RBM23: variants seen among roughly 807,000 people sequenced by gnomAD.
The protein encoded by RBM23 is RNA binding motif protein 23, also known as probable RNA-binding protein 23.
A neutral mutation model predicts 56.2 loss-of-function variants in RBM23; 53 were observed. The ratio of observed to expected loss-of-function variants is 0.94; its 90% CI spans 0.76 to 1.19. The LOEUF (loss-of-function observed/expected upper bound fraction) is 1.19, where lower values mean the gene tolerates loss of function less well. RBM23 is among the 50% of genes most tolerant of loss of function. The pLI, the probability that RBM23 is intolerant of heterozygous loss-of-function variation, is 0.00. For missense variants in RBM23, 642 were observed against 590.3 expected, an observed-to-expected ratio of 1.09 and a Z score of -0.91; for synonymous variants, 197 against 198.5, an observed-to-expected ratio of 0.99 and a Z score of 0.06.
Position 22,898,255 on chromosome 14 carries a change from A to G in RBM23, c.*3475T>C, listed in dbSNP as rs1430613227. The G allele has an allele frequency of 1.3e-5, 2 of 152,262 alleles. No individual in the cohort carries two copies. The highest frequency in any genetic ancestry group is 1.5e-5 in the Non-Finnish European group (1 of 68,064). 9.4% of individuals were successfully genotyped at this position (152,262 alleles called of 1,614,324 possible). On this transcript the variant is annotated 3_prime_UTR_variant, in exon 14 of 14. Coordinates refer to ENST00000359890, the MANE Select transcript of RBM23 (RefSeq NM_001077351.2). ...TCCTGTGTCAAGAGCACAGCAGTTT[A>G]AAGAACAGGGAGGAAATGCTGCCAC... is the stretch of plus-strand genomic sequence containing the variant.
In RBM23 at chr14:22,911,417, A is replaced by G. The variant is rs184645669; in HGVS notation, c.-10-14T>C. ...ATCCTGTCAGATCTGGGGAGAGGAT[A>G]TTAATATGTAAGAATCTGTTTTATA... On this transcript the variant is annotated splice_polypyrimidine_tract_variant and intron_variant, in intron 1 of 13. Transcript: ENST00000359890. The G allele has an allele frequency of 6.4e-3, 10,271 of 1,596,674 alleles. 84 individuals are homozygous for G. Among genetic ancestry groups the G allele is most frequent in the South Asian group, 0.03 (2,748 of 90,410 alleles).
intron 1 of RBM23, among the ~76,000 whole-genome samples, chr14:22,913,203 A>G (rs900211073): frequency 1.3e-5 from 2 of 151,022 alleles, no homozygotes; most frequent in Non-Finnish European, 3.0e-5. Flanking sequence ...TCACGAGGTC[A>G]GGAGATCGAG....
chr14:22,914,497 C>T (rs1427679700), intron 1 of RBM23, among the ~76,000 whole-genome samples: 2 of 151,524 alleles, frequency 1.3e-5, no homozygotes, highest in African/African-American at 4.9e-5. Flanking sequence ...CTCAAAAATA[C>T]AAAAACAAAC....
At chr14:22,903,098 C>G in intron 10 of RBM23, 7 of 985,356 alleles carry the variant, frequency 7.1e-6, no homozygotes, top group Non-Finnish European at 8.4e-6. Flanking sequence ...TAGTTAAGTA[C>G]TAGGAATCTG....
At chr14:22,903,877 A>C (rs978464761) in intron 10 of RBM23, 10 of 1,159,566 alleles carry the variant, frequency 8.6e-6, no homozygotes, top group Non-Finnish European at 9.7e-6. Flanking sequence ...GGGAAGTATA[A>C]TTTCCTATTC....
At chr14:22,903,264 C>A in intron 10 of RBM23, 1 of 985,466 alleles carries the variant, frequency 1.0e-6, no homozygotes, top group Non-Finnish European at 1.2e-6. Context: ...CACCCAGCAA[C>A]ACACTGGTAC....
rs1230257310 is a variant in RBM23 at position 22,906,276 on chromosome 14, C to A, written c.320G>T (p.Arg107Leu). ...ACTTCGCGACTCACTACCATGTCGA[C>A]GATCCCAGCTACGGCTACGGTGACG... is the stretch of plus-strand genomic sequence containing the variant. The part of the protein sequence containing the change: ...QCRHRSRSWD[R>L]RHGSESRSRD... Residue 107 changes from arginine (R) to leucine (L), a missense_variant, in exon 5 of 14, where the codon CGT becomes CTT. Transcript: ENST00000359890. 6.2e-7 allele frequency: 1 copy of A among 1,614,258 alleles called. No homozygotes were observed. The highest frequency in any genetic ancestry group is 1.3e-5 in the African/African-American group (1 of 75,068).
chr14:22,911,903 C>G (rs1288686202), intron 1 of RBM23: 1 of 152,142 alleles, frequency 6.6e-6, no homozygotes, highest in Admixed American at 6.6e-5. Flanking sequence ...AATGTGTGAC[C>G]CTGTCTCAAA....
At chr14:22,903,616 G>C (rs2041001955) in intron 10 of RBM23, 1 of 997,804 alleles carries the variant, frequency 1.0e-6, no homozygotes, top group African/African-American at 1.7e-5. Flanking sequence ...CACTGTGGGA[G>C]TGTATGCTGC....
In RBM23 at chr14:22,904,288, G is replaced by A; in HGVS notation, c.903C>T (p.Gly301=). The A allele has an allele frequency of 1.2e-6, 2 of 1,613,268 alleles. No individual in the cohort carries two copies. Among genetic ancestry groups the A allele is most frequent in the South Asian group, 1.1e-5 (1 of 91,062 alleles). Residue 301 remains glycine, a synonymous_variant, in exon 10 of 14, where the codon GGC becomes GGT. Coordinates refer to ENST00000359890, the MANE Select transcript of RBM23 (RefSeq NM_001077351.2). The stretch of plus-strand genomic sequence containing the variant: ...TGATGAAACCATAACCTTTAGAGCG[G>A]CCTGTATCTGAGTCCTTCATCAGGA... ...NIVLMKDSDT[G]RSKGYGFITF...
At chr14:22,912,329 C>T (rs1461066968) in intron 1 of RBM23, among the ~76,000 whole-genome samples, 1 of 152,104 alleles carries the variant, frequency 6.6e-6, no homozygotes, top group Admixed American at 6.5e-5. Context: ...ATAATTAGGG[C>T]CTTATCCCTG....
chr14:22,899,152 G>GTGA lies in RBM23; in HGVS notation c.*2577_*2578insTCA, dbSNP rs2040298496. 1 of 152,196 alleles carries GTGA rather than the reference G, an allele frequency of 6.6e-6. No individual in the cohort carries two copies. Among genetic ancestry groups the GTGA allele is most frequent in the Non-Finnish European group, 1.5e-5 (1 of 68,034 alleles). The allele number at this position is 152,196 out of a possible 1,614,324, so 9.4% of individuals were successfully genotyped here. A position where few individuals can be genotyped will look rare whatever the true frequency, so the allele number is the denominator to read the frequency against. Reference sequence around the variant, plus strand: ...CCAATGCAACAGTGTTGAAGATGGGGCTTAATACGAGGTGACTGAGTCACA... The same window carrying GTGA: ...CCAATGCAACAGTGTTGAAGATGGGGTGACTTAATACGAGGTGACTGAGTCACA... On this transcript the variant is annotated 3_prime_UTR_variant, in exon 14 of 14. Coordinates refer to ENST00000359890, the MANE Select transcript of RBM23 (RefSeq NM_001077351.2).
chr14:22,902,202 C>T lies in RBM23; in HGVS notation c.1111G>A (p.Ala371Thr). 1 of 1,613,932 alleles carries T rather than the reference C, an allele frequency of 6.2e-7. No homozygotes were observed. The highest frequency in any genetic ancestry group is 8.5e-7 in the Non-Finnish European group (1 of 1,179,808). The stretch of plus-strand genomic sequence containing the variant: ...GATATTTTACCTTCTGCCAGTTTTG[C>T]CATGAGCTGAAAACGTCCACCTGCT... Reference protein sequence around the residue: ...GSAGGRFQLMAKLAEGAGIQL... With the variant: ...GSAGGRFQLMTKLAEGAGIQL... Residue 371 changes from alanine to threonine, a missense_variant, in exon 11 of 14, where the codon GCA (alanine) becomes ACA (threonine). Physicochemically the swap from Ala to Thr is moderately conservative, Grantham distance 58. Transcript: ENST00000359890.
At chr14:22,909,195 G>A (rs1473900191) in intron 3 of RBM23, among the ~76,000 whole-genome samples, 2 of 151,576 alleles carry the variant, frequency 1.3e-5, no homozygotes, top group East Asian at 1.9e-4. Context: ...CACCCACCTC[G>A]GCCTCCCAAA....
At chr14:22,915,783 T>A (rs1297544958) in intron 1 of RBM23, among the ~76,000 whole-genome samples, 1 of 152,222 alleles carries the variant, frequency 6.6e-6, no homozygotes, top group Non-Finnish European at 1.5e-5. Flanking sequence ...CATGAGCCAC[T>A]GTGCCCGGCC....
intron 2 of RBM23, among the ~76,000 whole-genome samples, chr14:22,910,151 CAAAAAAA>C (rs532892000): frequency 0.081 from 1,356 of 16,672 alleles, 72 homozygotes; most frequent in African/African-American, 0.23. Context: ...GACTCTGTCT[CAAAAAAA>C]AAAAAAAAAA....
At position 22,902,756 on chromosome 14, in the gene RBM23, C is replaced by CCTTTTTTTTTTTTT. The variant is rs1555336814; in HGVS notation, c.931-375_931-374insAAAAAAAAAAAAAG. 12 of 432,480 alleles carry CCTTTTTTTTTTTTT rather than the reference C, an allele frequency of 2.8e-5. 6 individuals carry two copies. The highest frequency in any genetic ancestry group is 1.3e-4 in the African/African-American group (4 of 31,410). 26.8% of individuals were successfully genotyped at this position (432,480 alleles called of 1,614,324 possible). On this transcript the variant is annotated intron_variant, in intron 10 of 13. Coordinates refer to ENST00000359890, the MANE Select transcript of RBM23 (RefSeq NM_001077351.2). The stretch of plus-strand genomic sequence containing the variant: ...GTTCTCTATCCTAGTAAGTTTTAGT[C>CCTTTTTTTTTTTTT]TTTTTTTTTTTTTTTTTTTTTTTTT...
In RBM23 at chr14:22,906,281, CCAGCTA is replaced by C; in HGVS notation, c.309_314del (p.Ser104_Trp105del). On this transcript the variant is annotated inframe_deletion, in exon 5 of 14. Coordinates refer to ENST00000359890, the MANE Select transcript of RBM23 (RefSeq NM_001077351.2). The stretch of plus-strand genomic sequence containing the variant: ...GCGACTCACTACCATGTCGACGATC[CCAGCTA>C]CGGCTACGGTGACGACACTGCCGAC... 1.9e-6 allele frequency: 3 copies of C among 1,614,230 alleles called. No individual in the cohort carries two copies. Among genetic ancestry groups the C allele is most frequent in the Non-Finnish European group, 2.5e-6 (3 of 1,180,046 alleles).
Position 22,916,689 on chromosome 14 carries a change from G to T in RBM23, c.-11+2310C>A, listed in dbSNP as rs7155056. Among the ~76,000 whole-genome samples, 590 of 151,744 alleles carry T rather than the reference G, an allele frequency of 3.9e-3. 5 individuals carry two copies. The highest frequency in any genetic ancestry group is 0.013 in the African/African-American group (534 of 41,400). On this transcript the variant is annotated intron_variant, in intron 1 of 13. Transcript: ENST00000359890. Reference sequence around the variant, plus strand: ...AAAAAAAAAGGACACAGTATACCAAGATACCTACTTTTAAATATATACTCA... The same window carrying T: ...AAAAAAAAAGGACACAGTATACCAATATACCTACTTTTAAATATATACTCA...
Sources: allele counts gnomAD v4.1 joint callset (sites outside exome capture counted in the v4.1 genomes callset), GRCh38; gene constraint gnomAD v4.1.1; transcripts MANE v1.5; gene names NCBI Gene and HGNC (gene_info 2026-07-23, HGNC 2026-07-21).